The following DDX27 variants were observed in gnomAD, a reference collection of about 807,000 sequenced individuals.
DDX27 encodes DEAD-box helicase 27.
In DDX27, 42 loss-of-function variants were observed where a neutral mutation model predicts 99.3. The observed-to-expected ratio is 0.42, with a 90% CI of 0.33 to 0.55. DDX27 has a LOEUF of 0.55. Among genes scored for constraint, DDX27 ranks in the 20% least tolerant of loss-of-function variants. DDX27 has a pLI of 0.07. For synonymous variants in DDX27, 329 were observed against 353.8 expected (o/e 0.93, Z 0.79); for missense variants, 798 against 976.8 (o/e 0.82, Z 2.44).
intron 12 of DDX27, 155 bp from the exon 13 acceptor site, chr20:49,235,995 G>A (rs1600974107): frequency 9.2e-6 from 5 of 543,522 alleles, no homozygotes; most frequent in Admixed American, 7.5e-5. Context: ...TGCCCACCTC[G>A]GCCTCCCAAA....
In DDX27 at chr20:49,243,838, T is replaced by C; in HGVS notation, c.*4T>C. The C allele has an allele frequency of 3.7e-6, 6 of 1,614,168 alleles. No individual in the cohort carries two copies. Among genetic ancestry groups the C allele is most frequent in the Non-Finnish European group, 5.1e-6 (6 of 1,180,014 alleles). On this transcript the variant is annotated 3_prime_UTR_variant, in exon 21 of 21. Transcript: ENST00000618172. ...CAGATACAAGAGGAGGAAGTAGCTG[T>C]CGTGGCCTGAAGAAATTCATGGGGG...
At position 49,226,465 on chromosome 20, in the gene DDX27, G is replaced by A. The variant is rs1320249591; in HGVS notation, c.636G>A (p.Pro212=). The change falls in exon 7 of 21, where the codon CCG becomes CCA. Residue 212 remains proline, a synonymous_variant. Coordinates refer to ENST00000618172, the MANE Select transcript of DDX27 (RefSeq NM_017895.8). ...CCATGGGCTTCAAGCAGCCCACCCC[G>A]ATCCAGAAGGCGTGCATACCTGTGG... ...ITAMGFKQPT[P]IQKACIPVGL... 5.0e-6 allele frequency: 8 copies of A among 1,613,842 alleles called. No individual in the cohort carries two copies. The highest frequency in any genetic ancestry group is 1.1e-5 in the South Asian group (1 of 91,054).
chr20:49,243,944 C>A lies in DDX27; in HGVS notation c.*110C>A. 2 of 1,312,300 alleles carry A rather than the reference C, an allele frequency of 1.5e-6. No individual in the cohort carries two copies. The highest frequency in any genetic ancestry group is 1.1e-6 in the Non-Finnish European group (1 of 941,498). 81.3% of individuals were successfully genotyped at this position (1,312,300 alleles called of 1,614,324 possible). On this transcript the variant is annotated 3_prime_UTR_variant, in exon 21 of 21. Coordinates refer to ENST00000618172, the MANE Select transcript of DDX27 (RefSeq NM_017895.8). ...CATTTGTTTAAAAAAAAAACAAAAA[C>A]AAAAAACAACACTTTGGTGTGGTGG...
Position 49,236,245 on chromosome 20 carries a change from A to G in DDX27, c.1509+14A>G. 1.3e-6 allele frequency: 2 copies of G among 1,596,426 alleles called. No individual in the cohort carries two copies. Among genetic ancestry groups the G allele is most frequent in the East Asian group, 2.2e-5 (1 of 44,500 alleles). The stretch of plus-strand genomic sequence containing the variant: ...GGGGTCAAAACGGTGAGCAGACACT[A>G]TCTTCCTTGGACTTTTGGTGGAAGT... On this transcript the variant is annotated intron_variant, in intron 13 of 20. Transcript: ENST00000618172. The surrounding 1 kb of genome is among the most constrained non-coding windows in gnomAD (Gnocchi z 4.1).
chr20:49,243,524 C>T, intron 19 of DDX27, 105 bp from the exon 20 acceptor site: 1 of 978,256 alleles, frequency 1.0e-6, no homozygotes. Flanking sequence ...AATGATGCAT[C>T]CCAGAGATGC....
At chr20:49,225,265 C>A in intron 6 of DDX27, 66 bp downstream of exon 6, 1 of 1,313,226 alleles carries the variant, frequency 7.6e-7, no homozygotes, top group South Asian at 1.2e-5. Context: ...CCAAGATGGT[C>A]TCAAATTCCT....
At chr20:49,223,942 A>G (rs1356231613) in intron 4 of DDX27, among the ~76,000 whole-genome samples, 1 of 152,206 alleles carries the variant, frequency 6.6e-6, no homozygotes, top group African/African-American at 2.4e-5. Flanking sequence ...CAGTAGTGCA[A>G]TCATACCTCA....
chr20:49,241,721 A>C, intron 16 of DDX27, 172 bp from the exon 17 acceptor site: 1 of 681,900 alleles, frequency 1.5e-6, no homozygotes. Flanking sequence ...CACCCACCTC[A>C]GCCTCCCAAA....
chr20:49,236,048 C>G lies in DDX27; in HGVS notation c.1428-102C>G. 1 of 1,154,490 alleles carries G rather than the reference C, an allele frequency of 8.7e-7. No homozygotes were observed. Among genetic ancestry groups the G allele is most frequent in the Non-Finnish European group, 1.2e-6 (1 of 812,006 alleles). The allele number at this position is 1,154,490 out of a possible 1,614,324, so 71.5% of individuals were successfully genotyped here. A position where few individuals can be genotyped will look rare whatever the true frequency, so the allele number is the denominator to read the frequency against. On this transcript the variant is annotated intron_variant, in intron 12 of 20. Coordinates refer to ENST00000618172, the MANE Select transcript of DDX27 (RefSeq NM_017895.8). The surrounding 1 kb of genome is among the most constrained non-coding windows in gnomAD (Gnocchi z 4.1). ...GTGAGCCACCGTGCCCAGCCTCTATCCCCATTTTAATGCCCTGTTCTGTCC... is the reference window on the plus strand; with the variant it reads ...GTGAGCCACCGTGCCCAGCCTCTATGCCCATTTTAATGCCCTGTTCTGTCC...
chr20:49,229,057 C>T (rs1423102356), intron 8 of DDX27, among the ~76,000 whole-genome samples, 169 bp downstream of exon 8: 3 of 120,046 alleles, frequency 2.5e-5, no homozygotes, highest in African/African-American at 9.9e-5. Context: ...TTTTTTGAGA[C>T]GGAGGAGTCT....
intron 6 of DDX27, among the ~76,000 whole-genome samples, chr20:49,226,145 A>G (rs2097346262): frequency 6.6e-6 from 1 of 152,034 alleles, no homozygotes; most frequent in African/African-American, 2.4e-5. Context: ...TGGCCGCTGC[A>G]TTGTTTTCCG....
chr20:49,235,491 G>C (rs776980179), intron 12 of DDX27: 1 of 166,462 alleles, frequency 6.0e-6, no homozygotes, highest in Non-Finnish European at 1.3e-5. Context: ...ACTGTGCTGC[G>C]TGCTTTCCAT....
At chr20:49,224,143 C>T (rs1260364800) in intron 4 of DDX27, among the ~76,000 whole-genome samples, 1 of 152,074 alleles carries the variant, frequency 6.6e-6, no homozygotes, top group African/African-American at 2.4e-5. Context: ...TCTAAAAGTG[C>T]TGGCATTACA....
At position 49,236,308 on chromosome 20, in the gene DDX27, C is replaced by T; in HGVS notation, c.1510-25C>T. ...TCGCACCCCCCTTCCCTTGCCAGGC[C>T]TGACGTTCATTTTTGACCTTCTAGG... On this transcript the variant is annotated intron_variant, in intron 13 of 20. Transcript: ENST00000618172. This position sits in a 1 kb window ranked among gnomAD's most constrained non-coding sequence, Gnocchi z 4.1. 6.4e-7 allele frequency: 1 copy of T among 1,568,922 alleles called. No individual in the cohort carries two copies. Among genetic ancestry groups the T allele is most frequent in the Non-Finnish European group, 8.7e-7 (1 of 1,154,124 alleles).
intron 4 of DDX27, among the ~76,000 whole-genome samples, chr20:49,224,041 G>C (rs1262177705): frequency 1.3e-5 from 2 of 151,946 alleles, no homozygotes; most frequent in African/African-American, 4.8e-5. Context: ...CCTGCGCCTG[G>C]CTAATTTTTT....
At chr20:49,234,872 A>G in intron 11 of DDX27, 63 bp from the exon 12 acceptor site, 2 of 1,520,468 alleles carry the variant, frequency 1.3e-6, no homozygotes, top group Non-Finnish European at 1.8e-6. Context: ...GTGGATGAGG[A>G]GGGGGTACAT....
chr20:49,236,061 C>T lies in DDX27; in HGVS notation c.1428-89C>T. ...CCCAGCCTCTATCCCCATTTTAATGCCCTGTTCTGTCCTCTGCTGGCTCAG... is the reference window on the plus strand; with the variant it reads ...CCCAGCCTCTATCCCCATTTTAATGTCCTGTTCTGTCCTCTGCTGGCTCAG... On this transcript the variant is annotated intron_variant, in intron 12 of 20. Transcript: ENST00000618172. This position sits in a 1 kb window ranked among gnomAD's most constrained non-coding sequence, Gnocchi z 4.1. 7.7e-7 allele frequency: 1 copy of T among 1,298,440 alleles called. No homozygotes were observed. The highest frequency in any genetic ancestry group is 2.4e-5 in the East Asian group (1 of 42,382). 80.4% of individuals were successfully genotyped at this position (1,298,440 alleles called of 1,614,324 possible).
chr20:49,242,181 C>G lies in DDX27; in HGVS notation c.2091C>G (p.Pro697=). The part of the protein sequence containing the change: ...NRRAKRARAM[P]EEEPVRGPAK... ...GAGCCAAGCGGGCCCGAGCAATGCC[C>G]GAGGAGGAGCCAGTGAGAGGTCCTG... Residue 697 remains proline (P), a synonymous_variant, in exon 18 of 21, where the codon CCC becomes CCG. Transcript: ENST00000618172. The G allele has an allele frequency of 1.2e-6, 2 of 1,614,084 alleles. No homozygotes were observed. Among genetic ancestry groups the G allele is most frequent in the East Asian group, 2.2e-5 (1 of 44,882 alleles).
At chr20:49,221,808 C>CTTTT (rs11475081) in intron 2 of DDX27, among the ~76,000 whole-genome samples, 38 of 132,144 alleles carry the variant, frequency 2.9e-4, no homozygotes, top group African/African-American at 1.1e-3. Flanking sequence ...GACTCACTGT[C>CTTTT]TTTTTTTTTT....
Sources: allele counts gnomAD v4.1 joint callset (sites outside exome capture counted in the v4.1 genomes callset), GRCh38; gene constraint gnomAD v4.1.1; non-coding constraint Gnocchi (gnomAD v3.1); transcripts MANE v1.5; gene names NCBI Gene and HGNC (gene_info 2026-07-23, HGNC 2026-07-21).